The following PRDM7 variants were observed in gnomAD, a reference collection of about 807,000 sequenced individuals.
PRDM7 encodes the protein PR/SET domain 7, also known as histone-lysine N-methyltransferase PRDM7.
In PRDM7, 52 loss-of-function variants were observed where a neutral mutation model predicts 64.3. The observed-to-expected ratio is 0.81, with a 90% confidence interval of 0.65 to 1.02. The LOEUF is 1.02. Among genes scored for constraint, PRDM7 ranks in the 50% least tolerant of loss-of-function variants. The pLI is 0.00. For missense variants in PRDM7, 574 were observed against 597.1 expected (o/e 0.96, Z 0.40); for synonymous variants, 192 against 210.1 (o/e 0.91, Z 0.74).
intron 10 of PRDM7, 101 bp from the exon 11 acceptor site, chr16:90,058,635 T>G: frequency 7.1e-7 from 1 of 1,400,000 alleles, no homozygotes; most frequent in Non-Finnish European, 1.0e-6. Context: ...CTTCATATGT[T>G]AACAATGCAA....
chr16:90,076,008 A>G lies in PRDM7; in HGVS notation c.-85-13T>C, dbSNP rs2038031930. The stretch of plus-strand genomic sequence containing the variant: ...AGGCCAAAGGCTCCTGTGGAAGGAG[A>G]AGGTGCTGAGATGGGGCAACAGCCC... On this transcript the variant is annotated splice_polypyrimidine_tract_variant and intron_variant, in intron 1 of 10. Transcript: ENST00000449207. 1.1e-5 allele frequency: 16 copies of G among 1,401,540 alleles called. No homozygotes were observed. Among genetic ancestry groups the G allele is most frequent in the Non-Finnish European group, 1.6e-5 (16 of 1,010,288 alleles). The allele number at this position is 1,401,540 out of a possible 1,614,324, so 86.8% of individuals were successfully genotyped here. A position where few individuals can be genotyped will look rare whatever the true frequency, so the allele number is the denominator to read the frequency against.
At position 90,062,184 on chromosome 16, in the gene PRDM7, T is replaced by C; in HGVS notation, c.619A>G (p.Met207Val). 3 of 1,614,256 alleles carry C rather than the reference T, an allele frequency of 1.9e-6. No homozygotes were observed. The highest frequency in any genetic ancestry group is 1.7e-6 in the Non-Finnish European group (2 of 1,180,040). The stretch of plus-strand genomic sequence containing the variant: ...CTGTCAATGAAGAAGTTCTGACACA[T>C]CTCACAATCTGGAAGTGAGGGAAGC... ...PQDDDYLYCE[M>V]CQNFFIDSCA... The change falls in exon 8 of 11, where the codon ATG becomes GTG. Residue 207 changes from methionine (M) to valine (V), a missense_variant. Physicochemically the swap from Met to Val is conservative, Grantham distance 21 (BLOSUM62 1). Coordinates refer to ENST00000449207, the MANE Select transcript of PRDM7 (RefSeq NM_001098173.2).
rs144590171 is a variant in PRDM7 at position 90,061,466 on chromosome 16, C to G, written c.936G>C (p.Ser312=). 6.2e-7 allele frequency: 1 copy of G among 1,603,802 alleles called. No individual in the cohort carries two copies. Among genetic ancestry groups the G allele is most frequent in the Non-Finnish European group, 8.5e-7 (1 of 1,170,668 alleles). ...YEYVDGKDKS[S]ANWMRYVNCA... ...AGTGGCCTTACCTCATCCAGTTGGC[C>G]GAGGATTTATCTTTTCCATCCACAT... The change falls in exon 9 of 11, where the codon TCG becomes TCC. Residue 312 remains serine, a synonymous_variant. Coordinates refer to ENST00000449207, the MANE Select transcript of PRDM7 (RefSeq NM_001098173.2).
chr16:90,061,352 G>T, intron 9 of PRDM7, 100 bp downstream of exon 9: 4 of 1,195,528 alleles, frequency 3.3e-6, no homozygotes, highest in Non-Finnish European at 4.9e-6. Context: ...AGAAATAGGG[G>T]ATGTGAAAAT....
intron 8 of PRDM7, 107 bp downstream of exon 8, chr16:90,061,814 A>C: frequency 1.3e-6 from 2 of 1,527,380 alleles, no homozygotes; most frequent in African/African-American, 1.4e-5. Context: ...CACAGAGCTA[A>C]CCATGTTATC....
chr16:90,074,350 G>T (rs1289820830), intron 4 of PRDM7, among the ~76,000 whole-genome samples: 2 of 151,878 alleles, frequency 1.3e-5, no homozygotes, highest in African/African-American at 4.8e-5. Context: ...GCCAAGGCAG[G>T]CGGATCACTT....
intron 4 of PRDM7, 96 bp downstream of exon 4, chr16:90,074,820 C>T (rs112752339): frequency 1.4e-4 from 176 of 1,259,294 alleles, no homozygotes; most frequent in Non-Finnish European, 1.7e-4. Flanking sequence ...CAGAGGTTGC[C>T]GTGAGCCAAG....
chr16:90,076,996 C>CA (rs1192810648), intron 1 of PRDM7, among the ~76,000 whole-genome samples: 1 of 151,746 alleles, frequency 6.6e-6, no homozygotes, highest in African/African-American at 2.4e-5. Context: ...TCCTCAGGCT[C>CA]AGAATATTTG....
At chr16:90,076,072 G>A in intron 1 of PRDM7, 77 bp from the exon 2 acceptor site, 4 of 817,344 alleles carry the variant, frequency 4.9e-6, no homozygotes, top group Middle Eastern at 3.6e-4. Context: ...TTCTCCATCT[G>A]GCTGGGGTGT....
intron 6 of PRDM7, 69 bp downstream of exon 6, chr16:90,063,543 G>A (rs2037818297): frequency 3.8e-6 from 6 of 1,564,458 alleles, no homozygotes; most frequent in East Asian, 4.5e-5. Context: ...ACCCCACATA[G>A]GTAGACCATA....
At chr16:90,072,026 C>T (rs1490647588) in intron 4 of PRDM7, among the ~76,000 whole-genome samples, 1 of 152,010 alleles carries the variant, frequency 6.6e-6, no homozygotes, top group African/African-American at 2.4e-5. Context: ...GTCAGGAGAT[C>T]GAGACCATCC....
At chr16:90,069,954 C>G (rs951572005) in intron 4 of PRDM7, 2 of 156,902 alleles carry the variant, frequency 1.3e-5, no homozygotes, top group African/African-American at 5.0e-5. Flanking sequence ...ACTCGGGAGG[C>G]TGAGGCAGAA....
chr16:90,071,718 TAA>T (rs2037959475), intron 4 of PRDM7, among the ~76,000 whole-genome samples: 1 of 152,216 alleles, frequency 6.6e-6, no homozygotes, highest in Non-Finnish European at 1.5e-5. Context: ...CTCCACCTCT[TAA>T]TACTGTTACA....
Position 90,075,168 on chromosome 16 carries a change from T to A in PRDM7, c.194-145A>T, listed in dbSNP as rs1462060121. The A allele has an allele frequency of 1.5e-6, 2 of 1,361,326 alleles. No homozygotes were observed. The highest frequency in any genetic ancestry group is 4.8e-5 in the East Asian group (2 of 41,620). 84.3% of individuals were successfully genotyped at this position (1,361,326 alleles called of 1,614,324 possible). A position where few individuals can be genotyped will look rare whatever the true frequency, so the allele number is the denominator to read the frequency against. ...TTGAACAAGGTCAAGATGTGACCTCTGCATGGTCAGTATCCACACACAACC... is the reference window on the plus strand; with the variant it reads ...TTGAACAAGGTCAAGATGTGACCTCAGCATGGTCAGTATCCACACACAACC... On this transcript the variant is annotated intron_variant, in intron 3 of 10. Transcript: ENST00000449207. This position sits in a 1 kb window ranked among gnomAD's most constrained non-coding sequence, Gnocchi z 4.3.
rs1455920681 is a variant in PRDM7, at chr16:90,067,217, C to T, written c.302-307G>A. ...CTGACCTTAGGTGATCCACCTGCCT[C>T]GGACTCCCAAAGTGCTGAGATTACA... is the stretch of plus-strand genomic sequence containing the variant. On this transcript the variant is annotated intron_variant, in intron 4 of 10. Transcript: ENST00000449207. 2.0e-5 allele frequency among the ~76,000 whole-genome samples: 3 copies of T among 151,070 alleles called. 1 individual carries two copies. Among genetic ancestry groups the T allele is most frequent in the Admixed American group, 6.6e-5 (1 of 15,204 alleles).
In PRDM7 at chr16:90,061,497, T is replaced by G; in HGVS notation, c.905A>C (p.Tyr302Ser). 1 of 1,605,974 alleles carries G rather than the reference T, an allele frequency of 6.2e-7. No individual in the cohort carries two copies. The highest frequency in any genetic ancestry group is 8.5e-7 in the Non-Finnish European group (1 of 1,172,488). ...TTTATCTTTTCCATCCACATACTCA[T>G]AGCAGTTTCTCCCCTTGGTGATCTG... is the stretch of plus-strand genomic sequence containing the variant. ...SWLITKGRNC[Y>S]EYVDGKDKSS... The change falls in exon 9 of 11, where the codon TAT (tyrosine) becomes TCT (serine). Residue 302 changes from tyrosine to serine, a missense_variant. Coordinates refer to ENST00000449207, the MANE Select transcript of PRDM7 (RefSeq NM_001098173.2).
intron 5 of PRDM7, among the ~76,000 whole-genome samples, chr16:90,065,302 A>AG (rs1230501368): frequency 4.8e-5 from 7 of 146,302 alleles, no homozygotes; most frequent in East Asian, 2.1e-4. Context: ...CTGAGGCAGG[A>AG]GAACAACTTG....
In PRDM7 at chr16:90,069,501, A is replaced by T. The variant is rs191278377; in HGVS notation, c.302-2591T>A. On this transcript the variant is annotated intron_variant, in intron 4 of 10. Transcript: ENST00000449207. ...GCATAAGCAATAAAAGCAAAAATAG[A>T]CAAGTAGGACTACATCAAACTTAAA... 1.2e-3 allele frequency among the ~76,000 whole-genome samples: 184 copies of T among 151,516 alleles called. 5 individuals carry two copies. The highest frequency in any genetic ancestry group is 2.8e-3 in the Admixed American group (42 of 15,262).
In PRDM7 at chr16:90,075,522, G is replaced by T. The variant is rs372024504; in HGVS notation, c.70-48C>A. ...TCAGTGATTTACTAATACACATCGA[G>T]CTGGTCCTTTTCCTCTACCCTGCGT... On this transcript the variant is annotated intron_variant, in intron 2 of 10. Coordinates refer to ENST00000449207, the MANE Select transcript of PRDM7 (RefSeq NM_001098173.2). The surrounding 1 kb of genome is among the most constrained non-coding windows in gnomAD (Gnocchi z 4.3). 2.5e-6 allele frequency: 4 copies of T among 1,613,984 alleles called. No homozygotes were observed. Among genetic ancestry groups the T allele is most frequent in the African/African-American group, 2.7e-5 (2 of 74,926 alleles).
Sources: allele counts gnomAD v4.1 joint callset (sites outside exome capture counted in the v4.1 genomes callset), GRCh38; gene constraint gnomAD v4.1.1; non-coding constraint Gnocchi (gnomAD v3.1); transcripts MANE v1.5; gene names NCBI Gene and HGNC (gene_info 2026-07-23, HGNC 2026-07-21).